The following GPHN variants were observed in gnomAD, a reference collection of about 807,000 sequenced individuals.
The protein encoded by GPHN is gephyrin.
GPHN carries 17 observed loss-of-function variants against 95.5 expected under a neutral mutation model. The ratio of observed to expected loss-of-function variants is 0.18; its 90% confidence interval spans 0.12 to 0.27. The LOEUF (loss-of-function observed/expected upper bound fraction) is 0.27. GPHN is among the 10% of genes least tolerant of loss of function. GPHN has a pLI of 1.00. For missense variants in GPHN, 660 were observed against 978.1 expected (o/e 0.67, Z 4.34); for synonymous variants, 320 against 322.5 (o/e 0.99, Z 0.08).
the GPHN span, among the ~76,000 whole-genome samples, chr14:67,684,120 A>T: frequency 6.6e-6 from 1 of 152,308 alleles, no homozygotes; most frequent in East Asian, 1.9e-4. Context: ...TCATGAAACA[A>T]AGTTGCTAAA....
the GPHN span, among the ~76,000 whole-genome samples, chr14:67,289,768 CCTTTTT>C: frequency 2.1e-5 from 2 of 95,506 alleles, no homozygotes; most frequent in Non-Finnish European, 4.3e-5. Context: ...TTTTCCATGT[CCTTTTT>C]TTTTTTTTTT....
chr14:67,294,514 C>A, the GPHN span: 2 of 151,774 alleles, frequency 1.3e-5, no homozygotes, highest in Non-Finnish European at 2.9e-5. Flanking sequence ...GTGAAACATT[C>A]AGAAGTATTC....
intron 1 of GPHN, among the ~76,000 whole-genome samples, chr14:66,513,863 GCTT>G (rs1336456214): frequency 2.0e-5 from 3 of 151,866 alleles, no homozygotes; most frequent in Non-Finnish European, 4.4e-5. Flanking sequence ...ACTAAGTAGA[GCTT>G]CTTGAAAATT....
chr14:67,333,133 T>C, the GPHN span: 37 of 545,616 alleles, frequency 6.8e-5, no homozygotes, highest in Non-Finnish European at 1.1e-4. Flanking sequence ...AGTTTGTGCA[T>C]GGCATCCTTT....
chr14:67,390,993 G>A, the GPHN span, among the ~76,000 whole-genome samples: 1 of 152,220 alleles, frequency 6.6e-6, no homozygotes, highest in East Asian at 1.9e-4. Flanking sequence ...GCCAAAGAGA[G>A]TCCATGCAGA....
the GPHN span, chr14:67,272,135 A>T: frequency 2.6e-5 from 4 of 151,668 alleles, no homozygotes; most frequent in African/African-American, 9.7e-5. Flanking sequence ...TTAAATTTGT[A>T]TACAAATCAC....
At chr14:67,679,247 G>C in the GPHN span, among the ~76,000 whole-genome samples, 1 of 152,076 alleles carries the variant, frequency 6.6e-6, no homozygotes, top group Admixed American at 6.6e-5. Context: ...CCATTCATGA[G>C]GGCTGCCCTT....
At chr14:67,406,618 C>G in the GPHN span, among the ~76,000 whole-genome samples, 1 of 152,152 alleles carries the variant, frequency 6.6e-6, no homozygotes, top group Non-Finnish European at 1.5e-5. Context: ...AGAAAGACAG[C>G]AAGCTTACGT....
intron 9 of GPHN, among the ~76,000 whole-genome samples, chr14:66,979,765 G>T (rs2070522892): frequency 6.6e-6 from 1 of 152,156 alleles, no homozygotes; most frequent in African/African-American, 2.4e-5. Context: ...CTTTCTGGCT[G>T]TGTCAGCGTT....
intron 1 of GPHN, among the ~76,000 whole-genome samples, chr14:66,561,293 T>C (rs1197922818): frequency 1.3e-5 from 2 of 152,158 alleles, no homozygotes; most frequent in Non-Finnish European, 2.9e-5. Flanking sequence ...TTTCTATTGA[T>C]TGGAATAGTT....
At chr14:67,540,880 C>T in the GPHN span, among the ~76,000 whole-genome samples, 7 of 152,300 alleles carry the variant, frequency 4.6e-5, no homozygotes, top group Non-Finnish European at 7.4e-5. Context: ...TTCCTTTTCT[C>T]ATCCTGCATC....
At chr14:66,899,574 T>C (rs1462030744) in intron 5 of GPHN, among the ~76,000 whole-genome samples, 1 of 151,960 alleles carries the variant, frequency 6.6e-6, no homozygotes, top group East Asian at 1.9e-4. Context: ...TATGTTGATT[T>C]ATTTTCAAAT....
chr14:67,438,362 A>G, the GPHN span, among the ~76,000 whole-genome samples: 1 of 152,174 alleles, frequency 6.6e-6, no homozygotes, highest in Non-Finnish European at 1.5e-5. Flanking sequence ...CCCTTCTCTG[A>G]GAATTGTAGA....
chr14:67,568,760 C>T, the GPHN span, among the ~76,000 whole-genome samples: 1 of 152,070 alleles, frequency 6.6e-6, no homozygotes. Flanking sequence ...TCTTGAGACC[C>T]AAGGGTCTCT....
At chr14:67,351,013 T>C in the GPHN span, among the ~76,000 whole-genome samples, 1 of 152,192 alleles carries the variant, frequency 6.6e-6, no homozygotes, top group Non-Finnish European at 1.5e-5. Context: ...TCACTGCAGT[T>C]GCAGTCAAAA....
At chr14:67,366,103 A>C in the GPHN span, among the ~76,000 whole-genome samples, 6 of 149,662 alleles carry the variant, frequency 4.0e-5, no homozygotes, top group African/African-American at 1.5e-4. Flanking sequence ...TTTTTTAAGA[A>C]TTGGGGTCTT....
chr14:67,623,534 CTTTTTTTTTT>C, the GPHN span, among the ~76,000 whole-genome samples: 11 of 82,924 alleles, frequency 1.3e-4, no homozygotes, highest in African/African-American at 4.9e-4. Flanking sequence ...CTCAGGTAAC[CTTTTTTTTTT>C]TTTTTTTTTT....
At chr14:66,900,779 C>G (rs139243902) in intron 5 of GPHN, among the ~76,000 whole-genome samples, 2 of 151,946 alleles carry the variant, frequency 1.3e-5, no homozygotes, top group African/African-American at 4.8e-5. Context: ...TTTCTTTATC[C>G]ATTTGTATGT....
At chr14:66,921,978 C>G (rs532422703) in intron 6 of GPHN, among the ~76,000 whole-genome samples, 2 of 152,068 alleles carry the variant, frequency 1.3e-5, no homozygotes, top group Non-Finnish European at 2.9e-5. Flanking sequence ...CCCTTTTCAA[C>G]AAAGGGCGCT....
Sources: allele counts gnomAD v4.1 joint callset (sites outside exome capture counted in the v4.1 genomes callset), GRCh38; gene constraint gnomAD v4.1.1; transcripts MANE v1.5; gene names NCBI Gene and HGNC (gene_info 2026-07-23, HGNC 2026-07-21).